Variants in RAB23 observed in about 807,000 individuals in gnomAD.
The protein encoded by RAB23 is ras-related protein Rab-23.
Under a neutral mutation model 30.0 loss-of-function variants are expected in RAB23, and 15 were observed. That is an observed-to-expected ratio of 0.50 (90% CI 0.33 to 0.77). RAB23 has a LOEUF of 0.77. Ranked by LOEUF, RAB23 falls within the 30% of genes least tolerant of loss-of-function variation. The pLI is 0.02. For missense variants in RAB23, 243 were observed against 275.4 expected, an observed-to-expected ratio of 0.88 and a Z score of 0.83; for synonymous variants, 93 against 94.0, an observed-to-expected ratio of 0.99 and a Z score of 0.06.
At chr6:57,202,119 T>A (rs1032204743) in intron 3 of RAB23, among the ~76,000 whole-genome samples, 1 of 152,354 alleles carries the variant, frequency 6.6e-6, no homozygotes, top group African/African-American at 2.4e-5. Context: ...TTTCTAGGAT[T>A]TAAATCAGCA....
At position 57,187,109 on chromosome 6, in the gene RAB23, C is replaced by G. The variant is rs997751289; in HGVS notation, c.*3352G>C. On this transcript the variant is annotated 3_prime_UTR_variant, in exon 7 of 7. Transcript: ENST00000468148. ...AACTGCAACCAAATAGCAATACATACAAGTGGTTTTCCATTCAAATTTACA... is the reference window on the plus strand; with the variant it reads ...AACTGCAACCAAATAGCAATACATAGAAGTGGTTTTCCATTCAAATTTACA... The G allele has an allele frequency of 2.0e-5, 3 of 152,108 alleles. No individual in the cohort carries two copies. The highest frequency in any genetic ancestry group is 2.9e-5 in the Non-Finnish European group (2 of 68,008). The allele number at this position is 152,108 out of a possible 1,614,324, so 9.4% of individuals were successfully genotyped here.
chr6:57,195,621 G>A (rs780469468), intron 4 of RAB23, among the ~76,000 whole-genome samples: 42 of 152,146 alleles, frequency 2.8e-4, no homozygotes, highest in Non-Finnish European at 5.6e-4. Flanking sequence ...ACCCACTCTG[G>A]GAGAAATAGC....
intron 1 of RAB23, among the ~76,000 whole-genome samples, chr6:57,211,967 C>G (rs1765673317): frequency 6.6e-6 from 1 of 152,200 alleles, no homozygotes; most frequent in Non-Finnish European, 1.5e-5. Context: ...GCAATTGTCT[C>G]TGGTACTTTA....
chr6:57,198,562 T>C (rs142551154), intron 3 of RAB23, among the ~76,000 whole-genome samples: 1,600 of 152,044 alleles, frequency 0.011, 22 homozygotes, highest in African/African-American at 0.035. Context: ...ACACCTGTAG[T>C]CCCAGCTACT....
rs772725574 is a variant in RAB23, at chr6:57,207,612, A to C, written c.241+16T>G. 1.0e-5 allele frequency: 16 copies of C among 1,555,810 alleles called. No homozygotes were observed. The highest frequency in any genetic ancestry group is 3.3e-5 in the Admixed American group (2 of 59,846). On this transcript the variant is annotated intron_variant, in intron 3 of 6. Transcript: ENST00000468148. ...ATATGCCCAAACAAAATAAATAAAT[A>C]AATCCTGTGTTTTACCTCGATAGTA...
intron 3 of RAB23, among the ~76,000 whole-genome samples, chr6:57,198,349 C>T (rs1765105427): frequency 6.6e-6 from 1 of 152,122 alleles, no homozygotes. Flanking sequence ...CCCGTCTCTA[C>T]TAAAAATACA....
intron 3 of RAB23, among the ~76,000 whole-genome samples, chr6:57,198,462 C>T (rs775175491): frequency 1.1e-4 from 16 of 151,946 alleles, no homozygotes; most frequent in Middle Eastern, 3.4e-3. Flanking sequence ...TGCAGTGAGC[C>T]GAGATCGCGC....
intron 4 of RAB23, among the ~76,000 whole-genome samples, chr6:57,195,392 G>A (rs1764984265): frequency 6.6e-6 from 1 of 152,110 alleles, no homozygotes; most frequent in Non-Finnish European, 1.5e-5. Flanking sequence ...CAGGATTCCT[G>A]GTTGTGGACT....
In RAB23 at chr6:57,190,688, T is replaced by C. The variant is rs1367890161; in HGVS notation, c.575-88A>G. On this transcript the variant is annotated intron_variant, in intron 6 of 6. Coordinates refer to ENST00000468148, the MANE Select transcript of RAB23 (RefSeq NM_016277.5). ...GCTTGTTAGTAAAATCAGTAATATTTTCAAGTATTTACAGTTTCTCTAAAA... is the reference window on the plus strand; with the variant it reads ...GCTTGTTAGTAAAATCAGTAATATTCTCAAGTATTTACAGTTTCTCTAAAA... 2.0e-6 allele frequency: 3 copies of C among 1,499,416 alleles called. No individual in the cohort carries two copies. In the African/African-American group the frequency reaches 4.1e-5, roughly 21 times the overall value. The allele number at this position is 1,499,416 out of a possible 1,614,324, so 92.9% of individuals were successfully genotyped here.
At chr6:57,197,995 C>G (rs1439144983) in intron 3 of RAB23, among the ~76,000 whole-genome samples, 1 of 152,038 alleles carries the variant, frequency 6.6e-6, no homozygotes, top group East Asian at 1.9e-4. Flanking sequence ...AGGCTGGTCT[C>G]AAACTCCTGG....
chr6:57,215,093 T>C (rs1262288080), intron 1 of RAB23, among the ~76,000 whole-genome samples: 1 of 152,142 alleles, frequency 6.6e-6, no homozygotes, highest in Non-Finnish European at 1.5e-5. Context: ...AAAGAATTAG[T>C]GAACTTGAAC....
chr6:57,215,248 A>C (rs1035858501), intron 1 of RAB23, among the ~76,000 whole-genome samples: 9 of 152,222 alleles, frequency 5.9e-5, no homozygotes, highest in Non-Finnish European at 1.3e-4. Context: ...AAAGGACTTG[A>C]AGAAATAATG....
rs573723173 is a variant in RAB23, at chr6:57,192,470, GAC to G, written c.574+1370_574+1371del. Reference sequence around the variant, plus strand: ...ATTATATGTTAAGTGTCATAAAAGAGACACAAAATCTTACAGAAGTTTCAAAG... The same window carrying G: ...ATTATATGTTAAGTGTCATAAAAGAGACAAAATCTTACAGAAGTTTCAAAG... On this transcript the variant is annotated intron_variant, in intron 6 of 6. Transcript: ENST00000468148. Among the ~76,000 whole-genome samples the G allele has an allele frequency of 2.0e-4, 30 of 152,282 alleles. No individual in the cohort carries two copies. In the South Asian group the frequency reaches 6.2e-3, roughly 32 times the overall value.
At chr6:57,202,947 C>T (rs1283127867) in intron 3 of RAB23, among the ~76,000 whole-genome samples, 1 of 150,956 alleles carries the variant, frequency 6.6e-6, no homozygotes, top group African/African-American at 2.4e-5. Context: ...GTATCTCACC[C>T]TCTTTGCCAT....
At chr6:57,206,388 T>C (rs1031397381) in intron 3 of RAB23, among the ~76,000 whole-genome samples, 2 of 152,092 alleles carry the variant, frequency 1.3e-5, no homozygotes, top group South Asian at 2.1e-4. Context: ...TAGGAGACTA[T>C]AGAGGTTTAG....
rs776526505 is a variant in RAB23 at position 57,194,796 on chromosome 6, A to T, written c.455T>A (p.Val152Glu). 6.2e-7 allele frequency: 1 copy of T among 1,613,060 alleles called. No homozygotes were observed. The highest frequency in any genetic ancestry group is 8.5e-7 in the Non-Finnish European group (1 of 1,179,274). ...TTCATTCACATTTAGATCTTCTTTC[A>T]CTGATGTTCTGTAGAATCTTAACTT... Reference protein sequence around the residue: ...RLKLRFYRTSVKEDLNVNEVF... With the variant: ...RLKLRFYRTSEKEDLNVNEVF... The change falls in exon 5 of 7, where the codon GTG becomes GAG. Residue 152 changes from valine (V) to glutamate (E), a missense_variant. By Grantham distance (121) the Val-to-Glu change is moderately radical. Coordinates refer to ENST00000468148, the MANE Select transcript of RAB23 (RefSeq NM_016277.5).
chr6:57,220,513 G>C (rs952656240), intron 1 of RAB23, among the ~76,000 whole-genome samples: 1 of 152,042 alleles, frequency 6.6e-6, no homozygotes, highest in African/African-American at 2.4e-5. Context: ...TCCTTCCATG[G>C]GCAGATGTTG....
intron 4 of RAB23, among the ~76,000 whole-genome samples, chr6:57,196,109 A>G (rs905175717): frequency 1.3e-5 from 2 of 152,202 alleles, no homozygotes; most frequent in African/African-American, 4.8e-5. Flanking sequence ...GGGTATTACA[A>G]AATCTAGGGA....
At chr6:57,217,559 T>C (rs998208256) in intron 1 of RAB23, among the ~76,000 whole-genome samples, 1 of 152,178 alleles carries the variant, frequency 6.6e-6, no homozygotes, top group Non-Finnish European at 1.5e-5. Context: ...CCGCCCGCCG[T>C]GGCCTCCCAA....
Sources: allele counts gnomAD v4.1 joint callset (sites outside exome capture counted in the v4.1 genomes callset), GRCh38; gene constraint gnomAD v4.1.1; transcripts MANE v1.5; gene names NCBI Gene and HGNC (gene_info 2026-07-23, HGNC 2026-07-21).